EDNRA: variants seen among roughly 807,000 people sequenced by gnomAD.
The protein encoded by EDNRA is endothelin receptor type A, also known as endothelin-1 receptor.
Under a neutral mutation model 41.4 loss-of-function variants are expected in EDNRA, and 11 were observed. That is an observed-to-expected ratio of 0.27 (90% CI 0.17 to 0.44). The LOEUF (loss-of-function observed/expected upper bound fraction) is 0.44. EDNRA is among the 20% of genes least tolerant of loss of function. The pLI is 1.00. For missense variants in EDNRA, 294 were observed against 531.0 expected (o/e 0.55, Z 4.39); for synonymous variants, 172 against 183.0 (o/e 0.94, Z 0.49).
chr4:147,511,734 C>T (rs1020660285), intron 2 of EDNRA, among the ~76,000 whole-genome samples: 5 of 152,136 alleles, frequency 3.3e-5, no homozygotes, highest in African/African-American at 1.2e-4. Flanking sequence ...TTGGTTTTGC[C>T]TGCCTGTTTC....
intron 2 of EDNRA, among the ~76,000 whole-genome samples, chr4:147,496,510 T>C (rs979192080): frequency 2.6e-5 from 4 of 152,232 alleles, no homozygotes; most frequent in Non-Finnish European, 5.9e-5. Flanking sequence ...TTGGCTCTGT[T>C]AATTTTCACA....
intron 3 of EDNRA, among the ~76,000 whole-genome samples, chr4:147,530,181 C>T (rs1380906066): frequency 6.6e-6 from 1 of 152,134 alleles, no homozygotes. Flanking sequence ...ACCCCAAATC[C>T]TGGCAAGGAA....
At chr4:147,539,625 T>A (rs1731029264) in intron 5 of EDNRA, among the ~76,000 whole-genome samples, 192 bp from the exon 6 acceptor site, 1 of 152,134 alleles carries the variant, frequency 6.6e-6, no homozygotes, top group Non-Finnish European at 1.5e-5. Flanking sequence ...AGAAGCATCA[T>A]TAGCAATTCC....
At chr4:147,525,595 C>CAAAAAAA (rs58331044) in intron 3 of EDNRA, among the ~76,000 whole-genome samples, 66 of 132,380 alleles carry the variant, frequency 5.0e-4, no homozygotes, top group African/African-American at 1.4e-3. Flanking sequence ...TGTTTGGAGG[C>CAAAAAAA]AAAAAAAAAA....
chr4:147,503,226 C>A (rs922788440), intron 2 of EDNRA, among the ~76,000 whole-genome samples: 2 of 152,082 alleles, frequency 1.3e-5, no homozygotes, highest in African/African-American at 4.8e-5. Flanking sequence ...TCATCATACA[C>A]ACACACTTCT....
At position 147,485,480 on chromosome 4, in the gene EDNRA, AC is replaced by A. The variant is rs1728912424; in HGVS notation, c.-70-130del. ...TCTGGTTTTGCTCTGTCATAGGGTAACCTGATATACATATATCTTATCTAAT... is the reference window on the plus strand; with the variant it reads ...TCTGGTTTTGCTCTGTCATAGGGTAACTGATATACATATATCTTATCTAAT... On this transcript the variant is annotated intron_variant, in intron 1 of 7. Transcript: ENST00000651419. The A allele has an allele frequency of 6.0e-6, 4 of 666,726 alleles. No homozygotes were observed. In the East Asian group the frequency reaches 8.3e-5, roughly 14 times the overall value. The allele number at this position is 666,726 out of a possible 1,614,324, so 41.3% of individuals were successfully genotyped here.
At chr4:147,499,262 C>CCATTATGTTG (rs1729425009) in intron 2 of EDNRA, among the ~76,000 whole-genome samples, 1 of 152,112 alleles carries the variant, frequency 6.6e-6, no homozygotes, top group South Asian at 2.1e-4. Context: ...CATTATGTTG[C>CCATTATGTTG]CCAGGCTGGT....
intron 1 of EDNRA, among the ~76,000 whole-genome samples, chr4:147,481,582 G>T (rs912103086): frequency 1.3e-5 from 2 of 152,256 alleles, no homozygotes; most frequent in African/African-American, 4.8e-5. Context: ...TCCGTGAGGG[G>T]TGCGCTGCGG....
intron 5 of EDNRA, among the ~76,000 whole-genome samples, chr4:147,539,494 A>G (rs933403344): frequency 6.6e-6 from 1 of 151,828 alleles, no homozygotes; most frequent in Non-Finnish European, 1.5e-5. Context: ...CCACCTACAC[A>G]CACACAGCTG....
rs1366470888 is a variant in EDNRA at position 147,543,778 on chromosome 4, T to G, written c.*1160T>G. 6.6e-6 allele frequency: 1 copy of G among 152,460 alleles called. No individual in the cohort carries two copies. Among genetic ancestry groups the G allele is most frequent in the Non-Finnish European group, 1.5e-5 (1 of 68,010 alleles). 9.4% of individuals were successfully genotyped at this position (152,460 alleles called of 1,614,324 possible). ...CATAATTTTGAAGTGGCCAGATGAG[T>G]TTATCATGTCAGTGAAAAATAATTA... On this transcript the variant is annotated 3_prime_UTR_variant, in exon 8 of 8. Coordinates refer to ENST00000651419, the MANE Select transcript of EDNRA (RefSeq NM_001957.4).
At chr4:147,528,670 A>G in intron 3 of EDNRA, among the ~76,000 whole-genome samples, 1 of 152,142 alleles carries the variant, frequency 6.6e-6, no homozygotes, top group Non-Finnish European at 1.5e-5. Context: ...GAGAGCATAG[A>G]TGATAAACCA....
In EDNRA at chr4:147,542,805, A is replaced by G; in HGVS notation, c.*187A>G. 1 of 650,720 alleles carries G rather than the reference A, an allele frequency of 1.5e-6. No individual in the cohort carries two copies. Among genetic ancestry groups the G allele is most frequent in the Non-Finnish European group, 2.5e-6 (1 of 401,140 alleles). The allele number at this position is 650,720 out of a possible 1,614,324, so 40.3% of individuals were successfully genotyped here. A position where few individuals can be genotyped will look rare whatever the true frequency, so the allele number is the denominator to read the frequency against. On this transcript the variant is annotated 3_prime_UTR_variant, in exon 8 of 8. Coordinates refer to ENST00000651419, the MANE Select transcript of EDNRA (RefSeq NM_001957.4). The stretch of plus-strand genomic sequence containing the variant: ...TCCACCCACAACATCTACGAATCGT[A>G]CTTCTTTAATTGATCTAATTTACAT...
intron 2 of EDNRA, chr4:147,489,648 G>C (rs1729066237): frequency 6.6e-6 from 1 of 152,170 alleles, no homozygotes; most frequent in Non-Finnish European, 1.5e-5. Flanking sequence ...TGTAGCTGAT[G>C]CTTGGTGGCT....
intron 3 of EDNRA, among the ~76,000 whole-genome samples, chr4:147,523,894 A>ATTTTAGGTT (rs1435124888): frequency 6.6e-5 from 10 of 152,140 alleles, no homozygotes; most frequent in Non-Finnish European, 1.5e-4. Flanking sequence ...TCCCCTTCCC[A>ATTTTAGGTT]TCATGGCCTG....
intron 2 of EDNRA, chr4:147,488,447 G>A (rs1345272015): frequency 2.0e-5 from 3 of 152,138 alleles, no homozygotes; most frequent in African/African-American, 7.2e-5. Context: ...CCAATACTTT[G>A]TATACCTTAC....
chr4:147,531,252 AC>A (rs1367989117), intron 3 of EDNRA, among the ~76,000 whole-genome samples: 5 of 152,150 alleles, frequency 3.3e-5, no homozygotes, highest in African/African-American at 1.2e-4. Context: ...TAGATTGTAA[AC>A]CCTAAAGATT....
At chr4:147,499,153 C>G (rs890581155) in intron 2 of EDNRA, among the ~76,000 whole-genome samples, 1 of 152,080 alleles carries the variant, frequency 6.6e-6, no homozygotes, top group African/African-American at 2.4e-5. Context: ...GCTCCTGAGC[C>G]CAAGCAATCC....
intron 3 of EDNRA, among the ~76,000 whole-genome samples, chr4:147,526,090 G>A (rs901778060): frequency 1.1e-4 from 16 of 152,242 alleles, no homozygotes; most frequent in Middle Eastern, 3.2e-3. Context: ...GACATGAGCA[G>A]GGAACTGGAC....
rs539530941 is a variant in EDNRA, at chr4:147,488,945, A to G, written c.420+2844A>G. 154 of 152,330 alleles carry G rather than the reference A, an allele frequency of 1.0e-3. 2 individuals are homozygous for G. Among genetic ancestry groups the G allele is most frequent in the African/African-American group, 3.5e-3 (147 of 41,572 alleles). The allele number at this position is 152,330 out of a possible 1,614,324, so 9.4% of individuals were successfully genotyped here. A position where few individuals can be genotyped will look rare whatever the true frequency, so the allele number is the denominator to read the frequency against. On this transcript the variant is annotated intron_variant, in intron 2 of 7. Coordinates refer to ENST00000651419, the MANE Select transcript of EDNRA (RefSeq NM_001957.4). Reference sequence around the variant, plus strand: ...TTGCAGGGCAAGGTAGCAGCTGTCCATCTCACTTTACCATTACATTTATGT... The same window carrying G: ...TTGCAGGGCAAGGTAGCAGCTGTCCGTCTCACTTTACCATTACATTTATGT...
Sources: gnomAD v4.1 joint callset for allele counts (sites outside exome capture counted in the v4.1 genomes callset) on GRCh38, gnomAD v4.1.1 for gene constraint, MANE v1.5 for transcripts, NCBI Gene and HGNC (gene_info 2026-07-23, HGNC 2026-07-21) for gene names.